The following MEGF6 variants were observed in gnomAD, a reference collection of about 807,000 sequenced individuals.
The protein encoded by MEGF6 is multiple EGF like domains 6.
A neutral mutation model predicts 207.1 loss-of-function variants in MEGF6; 184 were observed. The ratio of observed to expected loss-of-function variants is 0.89; its 90% CI spans 0.79 to 1.00. The LOEUF (loss-of-function observed/expected upper bound fraction) is 1.00, where lower values mean the gene tolerates loss of function less well. Among genes scored for constraint, MEGF6 ranks in the 50% least tolerant of loss-of-function variants. The pLI is 0.00. For synonymous variants in MEGF6, 1,038 were observed against 910.0 expected (o/e 1.14, Z -2.53); for missense variants, 2,282 against 2,202.9 (o/e 1.04, Z -0.72).
chr1:3,499,472 C>T (rs1640756648), intron 23 of MEGF6, 116 bp downstream of exon 23: 1 of 1,474,898 alleles, frequency 6.8e-7, no homozygotes, highest in African/African-American at 1.4e-5. Context: ...GCATCACTCT[C>T]AGGGGGGTTG....
At chr1:3,561,219 G>A (rs1470284807) in intron 4 of MEGF6, among the ~76,000 whole-genome samples, 1 of 152,224 alleles carries the variant, frequency 6.6e-6, no homozygotes, top group African/African-American at 2.4e-5. Context: ...CAATGGGCAA[G>A]GGAGGGCCCC....
intron 1 of MEGF6, among the ~76,000 whole-genome samples, chr1:3,610,554 T>G (rs539645551): frequency 5.9e-5 from 9 of 152,352 alleles, no homozygotes; most frequent in Middle Eastern, 3.4e-3. Flanking sequence ...TTGCTGTTCA[T>G]GAGAGACCGC....
intron 3 of MEGF6, among the ~76,000 whole-genome samples, chr1:3,583,946 C>T (rs76663739): frequency 0.12 from 14,703 of 124,330 alleles, 2,090 homozygotes; most frequent in East Asian, 0.2. Context: ...AGCAGCCCGG[C>T]CTCCAGAGCT....
At chr1:3,589,367 G>A (rs1306339641) in intron 3 of MEGF6, among the ~76,000 whole-genome samples, 4 of 151,970 alleles carry the variant, frequency 2.6e-5, no homozygotes, top group South Asian at 2.1e-4. Flanking sequence ...TCATACCTGC[G>A]CCCCCCACCC....
At chr1:3,504,865 G>C (rs1280351174) in intron 17 of MEGF6, among the ~76,000 whole-genome samples, 1 of 152,158 alleles carries the variant, frequency 6.6e-6, no homozygotes, top group East Asian at 1.9e-4. Context: ...TGCTGCCCCG[G>C]CCTCTGAGAG....
chr1:3,605,489 C>G (rs892777628), intron 1 of MEGF6, among the ~76,000 whole-genome samples: 7 of 150,202 alleles, frequency 4.7e-5, no homozygotes, highest in African/African-American at 1.7e-4. Flanking sequence ...TACACAATTA[C>G]ACACATACAC....
chr1:3,614,477 C>T (rs144636939), upstream of MEGF6, among the ~76,000 whole-genome samples: 500 of 152,324 alleles, frequency 3.3e-3, 3 homozygotes, highest in African/African-American at 0.011. Context: ...AAATAAACTA[C>T]GCAGAGCACA....
chr1:3,614,286 G>C (rs1644360853), upstream of MEGF6, among the ~76,000 whole-genome samples: 1 of 152,196 alleles, frequency 6.6e-6, no homozygotes, highest in Non-Finnish European at 1.5e-5. Flanking sequence ...GGGCATGGGT[G>C]TCACTCAGAC....
chr1:3,611,407 T>G lies in MEGF6; in HGVS notation c.-139A>C. 1 of 1,202,556 alleles carries G rather than the reference T, an allele frequency of 8.3e-7. No homozygotes were observed. The highest frequency in any genetic ancestry group is 1.1e-6 in the Non-Finnish European group (1 of 933,660). The allele number at this position is 1,202,556 out of a possible 1,614,324, so 74.5% of individuals were successfully genotyped here. ...CCGCGGAGCCCAAGGTCGCTGCAGG[T>G]GCGGAGCGTCCCGGCTTCCCGCCCG... On this transcript the variant is annotated 5_prime_UTR_variant, in exon 1 of 37. Coordinates refer to ENST00000356575, the MANE Select transcript of MEGF6 (RefSeq NM_001409.4).
chr1:3,549,212 C>T (rs894127933), intron 4 of MEGF6, among the ~76,000 whole-genome samples: 14 of 152,144 alleles, frequency 9.2e-5, no homozygotes, highest in Non-Finnish European at 1.8e-4. Flanking sequence ...CCACAAGGGC[C>T]GCAGGAGACC....
At chr1:3,545,408 C>T (rs561341028) in intron 4 of MEGF6, among the ~76,000 whole-genome samples, 54 of 152,276 alleles carry the variant, frequency 3.5e-4, no homozygotes, top group African/African-American at 1.1e-3. Context: ...AGCTGTCCCG[C>T]GCCTCCTGCG....
At chr1:3,567,545 C>T (rs1412201013) in intron 4 of MEGF6, among the ~76,000 whole-genome samples, 1 of 152,202 alleles carries the variant, frequency 6.6e-6, no homozygotes, top group Non-Finnish European at 1.5e-5. Context: ...CCAGGCTCTC[C>T]CAGGACAAGC....
intron 30 of MEGF6, 93 bp from the exon 31 acceptor site, chr1:3,494,834 A>T: frequency 1.4e-6 from 2 of 1,445,488 alleles, no homozygotes; most frequent in South Asian, 2.9e-5. Flanking sequence ...TCACTCGGTA[A>T]ATGCTTCCTG....
At chr1:3,563,538 C>T (rs1643261228) in intron 4 of MEGF6, among the ~76,000 whole-genome samples, 4 of 152,172 alleles carry the variant, frequency 2.6e-5, no homozygotes, top group African/African-American at 7.2e-5. Context: ...GGCCAGCCCC[C>T]GATCGTGCCT....
chr1:3,491,987 G>A (rs949366862), intron 35 of MEGF6, among the ~76,000 whole-genome samples: 6 of 151,976 alleles, frequency 3.9e-5, no homozygotes, highest in Middle Eastern at 3.4e-3. Flanking sequence ...GCACTATTGC[G>A]CAGACGCACT....
At chr1:3,532,288 G>A (rs1263505604) in intron 4 of MEGF6, among the ~76,000 whole-genome samples, 4 of 152,204 alleles carry the variant, frequency 2.6e-5, no homozygotes, top group African/African-American at 4.8e-5. Context: ...CTGTGATTCC[G>A]GCTTGGATCA....
chr1:3,590,580 T>C (rs1643960442), intron 3 of MEGF6, among the ~76,000 whole-genome samples: 1 of 152,160 alleles, frequency 6.6e-6, no homozygotes, highest in Admixed American at 6.5e-5. Flanking sequence ...GGCGTTAGCC[T>C]ACTCCTCGCT....
intron 4 of MEGF6, among the ~76,000 whole-genome samples, chr1:3,577,186 C>T (rs1253854880): frequency 2.0e-5 from 3 of 152,230 alleles, no homozygotes; most frequent in South Asian, 2.1e-4. Context: ...CGGGCAGCCA[C>T]CCTCCAGCTT....
rs867933724 is a variant in MEGF6 at position 3,499,189 on chromosome 1, G to A, written c.3043C>T (p.His1015Tyr). 3 of 1,604,164 alleles carry A rather than the reference G, an allele frequency of 1.9e-6. No individual in the cohort carries two copies. The highest frequency in any genetic ancestry group is 4.5e-5 in the East Asian group (2 of 44,518). The change falls in exon 24 of 37, where the codon CAC (histidine) becomes TAC (tyrosine). Residue 1015 changes from histidine to tyrosine, a missense_variant. His to Tyr is a moderately conservative substitution (Grantham distance 83). Transcript: ENST00000356575. ...CCAGGGGCACAGTGGCACTGCCCGT[G>A]GACAGGGTCACAGGAGGCCCCGTTA... is the stretch of plus-strand genomic sequence containing the variant. The part of the protein sequence containing the change: ...CFNGASCDPV[H>Y]GQCHCAPGWM...
Sources: gnomAD v4.1 joint callset for allele counts (sites outside exome capture counted in the v4.1 genomes callset) on GRCh38, gnomAD v4.1.1 for gene constraint, MANE v1.5 for transcripts, NCBI Gene and HGNC (gene_info 2026-07-23, HGNC 2026-07-21) for gene names.